Variants in COL24A1 observed in about 807,000 individuals in gnomAD.
COL24A1 encodes the protein collagen alpha-1(XXIV) chain.
A neutral mutation model predicts 253.9 loss-of-function variants in COL24A1; 224 were observed. The ratio of observed to expected loss-of-function variants is 0.88; its 90% CI spans 0.79 to 0.99. The LOEUF (loss-of-function observed/expected upper bound fraction) is 0.99. Ranked by LOEUF, COL24A1 falls within the 50% of genes least tolerant of loss-of-function variation. COL24A1 has a pLI of 0.00. For synonymous variants in COL24A1, 685 were observed against 673.7 expected (o/e 1.02, Z -0.26); for missense variants, 2,131 against 2,068.5 (o/e 1.03, Z -0.59).
chr1:85,974,589 A>G (rs1692478005), intron 20 of COL24A1, among the ~76,000 whole-genome samples: 1 of 152,170 alleles, frequency 6.6e-6, no homozygotes, highest in South Asian at 2.1e-4. Context: ...GGCAAAAACA[A>G]AAGAACATTT....
At chr1:85,991,616 A>T (rs981747675) in intron 19 of COL24A1, among the ~76,000 whole-genome samples, 1 of 152,210 alleles carries the variant, frequency 6.6e-6, no homozygotes, top group African/African-American at 2.4e-5. Context: ...TAAAACGGTA[A>T]GAAAAAATTT....
At chr1:86,069,732 A>T (rs1042644557) in intron 7 of COL24A1, among the ~76,000 whole-genome samples, 1 of 152,230 alleles carries the variant, frequency 6.6e-6, no homozygotes, top group African/African-American at 2.4e-5. Context: ...TCTGCTTGGT[A>T]ATCCAGAGAA....
intron 7 of COL24A1, among the ~76,000 whole-genome samples, chr1:86,078,896 T>G (rs537106434): frequency 3.3e-5 from 5 of 152,164 alleles, no homozygotes; most frequent in African/African-American, 1.2e-4. Context: ...AATCTACAGA[T>G]TCAATACAAT....
intron 43 of COL24A1, among the ~76,000 whole-genome samples, chr1:85,825,834 AGATGAGTAG>A (rs1277221191): frequency 8.1e-5 from 8 of 98,564 alleles, no homozygotes; most frequent in African/African-American, 3.0e-4. Flanking sequence ...GCCCTTTGTC[AGATGAGTAG>A]GTTGCGAAAA....
At chr1:85,743,776 T>A (rs139514285) in intron 57 of COL24A1, among the ~76,000 whole-genome samples, 2 of 152,338 alleles carry the variant, frequency 1.3e-5, no homozygotes, top group East Asian at 1.9e-4. Flanking sequence ...TTAGTTTTTA[T>A]ATTAATCTAG....
At chr1:86,049,183 G>C (rs555653377) in intron 11 of COL24A1, among the ~76,000 whole-genome samples, 1 of 152,118 alleles carries the variant, frequency 6.6e-6, no homozygotes, top group Non-Finnish European at 1.5e-5. Flanking sequence ...ATGTTCACCA[G>C]GGGAAAATCT....
At chr1:85,818,219 C>A in intron 45 of COL24A1, 132 bp from the exon 46 acceptor site, 2 of 620,642 alleles carry the variant, frequency 3.2e-6, no homozygotes, top group South Asian at 2.3e-5. Context: ...TTAGGATTGC[C>A]ATTTAATTTT....
intron 14 of COL24A1, among the ~76,000 whole-genome samples, chr1:86,025,031 A>G (rs1697889752): frequency 6.6e-6 from 1 of 152,176 alleles, no homozygotes; most frequent in South Asian, 2.1e-4. Context: ...ATATATTATA[A>G]TGAACTTAGA....
chr1:85,933,087 TAAAAAA>T (rs747954578), intron 24 of COL24A1, among the ~76,000 whole-genome samples: 1 of 123,630 alleles, frequency 8.1e-6, no homozygotes, highest in Non-Finnish European at 1.6e-5. Context: ...TAGAGTATAA[TAAAAAA>T]AAAAAAAAGA....
intron 55 of COL24A1, among the ~76,000 whole-genome samples, chr1:85,755,006 A>C (rs550515581): frequency 6.6e-6 from 1 of 152,196 alleles, no homozygotes; most frequent in Non-Finnish European, 1.5e-5. Context: ...GACACATCAT[A>C]ATCAAACTAT....
At chr1:85,993,733 G>C (rs12025292) in intron 19 of COL24A1, among the ~76,000 whole-genome samples, 1 of 151,562 alleles carries the variant, frequency 6.6e-6, no homozygotes, top group African/African-American at 2.4e-5. Flanking sequence ...ATACCTCAAT[G>C]AGCCTGTAAA....
chr1:85,950,191 A>AAGC, intron 24 of COL24A1, among the ~76,000 whole-genome samples: 1 of 152,230 alleles, frequency 6.6e-6, no homozygotes, highest in Non-Finnish European at 1.5e-5. Context: ...GAACACATAA[A>AAGC]AAGCAAGAAT....
chr1:85,940,627 C>T (rs1688669600), intron 24 of COL24A1, among the ~76,000 whole-genome samples: 1 of 152,092 alleles, frequency 6.6e-6, no homozygotes, highest in African/African-American at 2.4e-5. Flanking sequence ...CACAGTTCCT[C>T]CACTTCAGAC....
intron 32 of COL24A1, among the ~76,000 whole-genome samples, chr1:85,885,101 G>C (rs571538427): frequency 6.6e-6 from 1 of 152,222 alleles, no homozygotes; most frequent in South Asian, 2.1e-4. Context: ...ACAGATCTAA[G>C]AAGAGTTGTT....
intron 32 of COL24A1, among the ~76,000 whole-genome samples, chr1:85,879,555 A>G (rs897780441): frequency 3.3e-5 from 5 of 152,200 alleles, no homozygotes; most frequent in African/African-American, 9.7e-5. Context: ...AAATCTGAGT[A>G]CAACTTTTGA....
At chr1:85,972,960 G>A (rs1446076834) in intron 20 of COL24A1, among the ~76,000 whole-genome samples, 3 of 152,192 alleles carry the variant, frequency 2.0e-5, no homozygotes, top group African/African-American at 4.8e-5. Context: ...ATTCAGTTGT[G>A]ATTGAATCCC....
intron 47 of COL24A1, among the ~76,000 whole-genome samples, chr1:85,805,906 T>G (rs915875298): frequency 6.6e-6 from 1 of 151,994 alleles, no homozygotes; most frequent in Non-Finnish European, 1.5e-5. Context: ...AAACCCCGTC[T>G]CTATTAAAAA....
At chr1:85,821,675 C>T (rs1673637694) in intron 45 of COL24A1, among the ~76,000 whole-genome samples, 1 of 152,042 alleles carries the variant, frequency 6.6e-6, no homozygotes, top group South Asian at 2.1e-4. Flanking sequence ...CAGCATTACC[C>T]AAAGCAGGGA....
At chr1:86,016,802 T>G (rs1697034576) in intron 19 of COL24A1, among the ~76,000 whole-genome samples, 1 of 152,234 alleles carries the variant, frequency 6.6e-6, no homozygotes, top group Admixed American at 6.5e-5. Context: ...AAATGATATA[T>G]GGATATAGCA....
Sources: gnomAD v4.1 joint callset for allele counts (sites outside exome capture counted in the v4.1 genomes callset) on GRCh38, gnomAD v4.1.1 for gene constraint, MANE v1.5 for transcripts, NCBI Gene and HGNC (gene_info 2026-07-23, HGNC 2026-07-21) for gene names.